Variants in ZNF566 observed in about 807,000 individuals in gnomAD.
ZNF566 encodes the protein zinc finger protein 566.
A neutral mutation model predicts 32.8 loss-of-function variants in ZNF566; 27 were observed. The observed-to-expected ratio is 0.82, with a 90% CI of 0.61 to 1.14. The LOEUF is 1.14. ZNF566 is among the 50% of genes most tolerant of loss of function. The pLI, the probability that ZNF566 is intolerant of heterozygous loss-of-function variation, is 0.00. For missense variants in ZNF566, 402 were observed against 490.4 expected, an observed-to-expected ratio of 0.82 and a Z score of 1.70; for synonymous variants, 154 against 159.5, an observed-to-expected ratio of 0.97 and a Z score of 0.26.
chr19:36,467,386 G>T (rs892888583), intron 4 of ZNF566, among the ~76,000 whole-genome samples: 1 of 141,626 alleles, frequency 7.1e-6, no homozygotes, highest in Non-Finnish European at 1.5e-5. Flanking sequence ...AGTGAGCGAA[G>T]ATCGCACCGC....
rs73928553 is a variant in ZNF566 at position 36,469,054 on chromosome 19, T to A, written c.232+3857A>T. Among the ~76,000 whole-genome samples the A allele has an allele frequency of 5.0e-3, 757 of 151,954 alleles. 27 individuals carry two copies. The highest frequency in any genetic ancestry group is 0.017 in the African/African-American group (716 of 41,190). The stretch of plus-strand genomic sequence containing the variant: ...ATAGAAATGAACAAGGTAATTATCA[T>A]GCTATGGTGAAAATGTACACTCTTA... On this transcript the variant is annotated intron_variant, in intron 4 of 4. Transcript: ENST00000452939.
chr19:36,482,881 C>CA (rs1350041773), intron 1 of ZNF566, among the ~76,000 whole-genome samples: 1 of 152,204 alleles, frequency 6.6e-6, no homozygotes, highest in Non-Finnish European at 1.5e-5. Flanking sequence ...ATACAGTGAA[C>CA]AGCCTTGGAA....
At chr19:36,452,690 T>C (rs1294865803) in intron 4 of ZNF566, among the ~76,000 whole-genome samples, 3 of 147,652 alleles carry the variant, frequency 2.0e-5, no homozygotes, top group Admixed American at 6.8e-5. Context: ...TCAAAAAGAG[T>C]TCTTCAAGTA....
chr19:36,460,706 G>C (rs2033440229), intron 4 of ZNF566, among the ~76,000 whole-genome samples: 1 of 152,138 alleles, frequency 6.6e-6, no homozygotes, highest in Non-Finnish European at 1.5e-5. Flanking sequence ...AAGCCATTTT[G>C]AGAAGCTCAG....
intron 4 of ZNF566, among the ~76,000 whole-genome samples, chr19:36,457,972 T>C (rs1396006296): frequency 6.6e-6 from 1 of 152,122 alleles, no homozygotes; most frequent in Non-Finnish European, 1.5e-5. Context: ...TAACAAGTGT[T>C]GGAAAGGATG....
At chr19:36,459,765 C>T (rs1445230552) in intron 4 of ZNF566, among the ~76,000 whole-genome samples, 1 of 151,536 alleles carries the variant, frequency 6.6e-6, no homozygotes, top group Non-Finnish European at 1.5e-5. Flanking sequence ...CCCGCCTCGG[C>T]CTCCCAAAGT....
At chr19:36,487,491 G>T (rs532166132) in intron 1 of ZNF566, among the ~76,000 whole-genome samples, 1 of 152,244 alleles carries the variant, frequency 6.6e-6, no homozygotes, top group African/African-American at 2.4e-5. Context: ...CCCCAGTATA[G>T]TGAGAGCTAA....
intron 4 of ZNF566, 77 bp downstream of exon 4, chr19:36,472,834 G>C: frequency 1.7e-6 from 2 of 1,194,658 alleles, no homozygotes; most frequent in Non-Finnish European, 2.4e-6. Context: ...CCTGTGAGGA[G>C]AGTTTCCCAG....
At chr19:36,482,099 TTTTA>T (rs930073393) in intron 1 of ZNF566, among the ~76,000 whole-genome samples, 4 of 151,980 alleles carry the variant, frequency 2.6e-5, no homozygotes, top group African/African-American at 9.7e-5. Context: ...CTAAGTTAAT[TTTTA>T]TTTATTTATT....
rs146152132 is a variant in ZNF566 at position 36,472,194 on chromosome 19, C to T, written c.232+717G>A. 5.3e-5 allele frequency among the ~76,000 whole-genome samples: 8 copies of T among 152,280 alleles called. No homozygotes were observed. The East Asian group carries it at 1.5e-3, about 29-fold the overall frequency. ...CTCTCTTTGCCAGCTCTTACCTTCT[C>T]CATGGAGACACAGGCCCTTTATTTC... is the stretch of plus-strand genomic sequence containing the variant. On this transcript the variant is annotated intron_variant, in intron 4 of 4. Coordinates refer to ENST00000452939, the MANE Select transcript of ZNF566 (RefSeq NM_001145344.1).
At chr19:36,467,503 A>T (rs1218218257) in intron 4 of ZNF566, among the ~76,000 whole-genome samples, 2 of 150,058 alleles carry the variant, frequency 1.3e-5, no homozygotes, top group African/African-American at 4.9e-5. Context: ...ACTCATCAGG[A>T]AAGAAAAATG....
chr19:36,484,590 T>TTC lies in ZNF566; in HGVS notation c.-60+4895_-60+4896insGA, dbSNP rs1555775659. Reference sequence around the variant, plus strand: ...AAATAGGATTTTGGCATAGTTTCTTTTTTTTTTTTTTTTTTTTGAGATGGA... The same window carrying TTC: ...AAATAGGATTTTGGCATAGTTTCTTTTCTTTTTTTTTTTTTTTTTGAGATGGA... On this transcript the variant is annotated intron_variant, in intron 1 of 4. Coordinates refer to ENST00000452939, the MANE Select transcript of ZNF566 (RefSeq NM_001145344.1). Among the ~76,000 whole-genome samples the TTC allele has an allele frequency of 2.1e-5, 3 of 142,242 alleles. No individual in the cohort carries two copies. In the South Asian group the frequency reaches 6.9e-4, roughly 33 times the overall value. 93.3% of individuals were successfully genotyped at this position (142,242 alleles called of 152,430 possible).
At chr19:36,486,976 G>A (rs532264899) in intron 1 of ZNF566, among the ~76,000 whole-genome samples, 2 of 151,108 alleles carry the variant, frequency 1.3e-5, no homozygotes, top group Admixed American at 6.6e-5. Context: ...TGTAATCCCA[G>A]CTACTCGGGA....
At chr19:36,486,233 C>G (rs1384838181) in intron 1 of ZNF566, among the ~76,000 whole-genome samples, 2 of 152,112 alleles carry the variant, frequency 1.3e-5, no homozygotes, top group Non-Finnish European at 2.9e-5. Context: ...GATCCTGAAA[C>G]AGTAAGAAAA....
At chr19:36,482,264 C>T (rs1186863892) in intron 1 of ZNF566, among the ~76,000 whole-genome samples, 4 of 152,178 alleles carry the variant, frequency 2.6e-5, no homozygotes, top group East Asian at 3.8e-4. Flanking sequence ...CGCCACCACG[C>T]CCGGCTAATT....
At chr19:36,454,785 A>G (rs2033258565) in intron 4 of ZNF566, among the ~76,000 whole-genome samples, 1 of 152,208 alleles carries the variant, frequency 6.6e-6, no homozygotes, top group Non-Finnish European at 1.5e-5. Flanking sequence ...TGGCTTCACT[A>G]GTAAATTCTA....
chr19:36,450,297 C>T (rs953042240), intron 4 of ZNF566, among the ~76,000 whole-genome samples: 1 of 152,166 alleles, frequency 6.6e-6, no homozygotes, highest in Non-Finnish European at 1.5e-5. Flanking sequence ...CACAAAATAT[C>T]TCATTGCATA....
chr19:36,488,261 A>G (rs113358291), intron 1 of ZNF566, among the ~76,000 whole-genome samples: 73 of 152,100 alleles, frequency 4.8e-4, no homozygotes, highest in African/African-American at 1.7e-3. Context: ...TTTTTTATGT[A>G]TGTATGTATT....
chr19:36,461,990 GTT>G (rs34181356), intron 4 of ZNF566, among the ~76,000 whole-genome samples: 3 of 138,638 alleles, frequency 2.2e-5, no homozygotes, highest in Admixed American at 7.3e-5. Context: ...TGAACTTTGG[GTT>G]TTTTTTTTTT....
Sources: allele counts gnomAD v4.1 joint callset (sites outside exome capture counted in the v4.1 genomes callset), GRCh38; gene constraint gnomAD v4.1.1; transcripts MANE v1.5; gene names NCBI Gene and HGNC (gene_info 2026-07-23, HGNC 2026-07-21).